SND1: variants seen among roughly 807,000 people sequenced by gnomAD.
SND1 encodes staphylococcal nuclease domain-containing protein 1.
In SND1, 38 loss-of-function variants were observed where a neutral mutation model predicts 121.7. The observed-to-expected ratio is 0.31, with a 90% CI of 0.24 to 0.41. SND1 has a LOEUF of 0.41. SND1 is among the 10% of genes least tolerant of loss of function. The pLI is 1.00. For synonymous variants in SND1, 401 were observed against 447.4 expected, an observed-to-expected ratio of 0.90 and a Z score of 1.31; for missense variants, 868 against 1,184.6, an observed-to-expected ratio of 0.73 and a Z score of 3.92.
chr7:127,653,142 G>T (rs1489366610), intron 1 of SND1, among the ~76,000 whole-genome samples: 1 of 152,216 alleles, frequency 6.6e-6, no homozygotes, highest in East Asian at 1.9e-4. Context: ...GAGCCCAAGT[G>T]TTCGGATTCC....
At chr7:128,058,269 C>G (rs1793175107) in intron 16 of SND1, among the ~76,000 whole-genome samples, 1 of 152,260 alleles carries the variant, frequency 6.6e-6, no homozygotes, top group East Asian at 1.9e-4. Context: ...GTGCTTAGCA[C>G]AATGAGATGA....
At position 127,890,617 on chromosome 7, in the gene SND1, G is replaced by A. The variant is rs117085635; in HGVS notation, c.1454+2605G>A. On this transcript the variant is annotated intron_variant, in intron 13 of 23. Transcript: ENST00000354725. Reference sequence around the variant, plus strand: ...GTGAATATGTTAATTCTGACAGGCAGGTAAGCATGGAAATAATTTGCAGGG... The same window carrying A: ...GTGAATATGTTAATTCTGACAGGCAAGTAAGCATGGAAATAATTTGCAGGG... Among the ~76,000 whole-genome samples, 7 of 152,238 alleles carry A rather than the reference G, an allele frequency of 4.6e-5. No individual in the cohort carries two copies. In the South Asian group the frequency reaches 1.2e-3, roughly 27 times the overall value.
At chr7:128,038,689 T>G (rs1562878505) in intron 16 of SND1, among the ~76,000 whole-genome samples, 1 of 88,900 alleles carries the variant, frequency 1.1e-5, no homozygotes. Context: ...CTGGGTTGGG[T>G]TTTTTTTTTT....
At position 127,706,218 on chromosome 7, in the gene SND1, A is replaced by ATTTGAT. The variant is rs1554414043; in HGVS notation, c.947+1276_947+1277insGATTTT. Among the ~76,000 whole-genome samples the ATTTGAT allele has an allele frequency of 3.8e-4, 53 of 140,176 alleles. 1 individual carries two copies. In the East Asian group the frequency reaches 0.01, roughly 27 times the overall value. 92.0% of individuals were successfully genotyped at this position (140,176 alleles called of 152,430 possible). On this transcript the variant is annotated intron_variant, in intron 8 of 23. Transcript: ENST00000354725. Reference sequence around the variant, plus strand: ...TTCATTAGTATTCTAAATTAATTTGATTTTTTTTGCATTCTTTAATTTCTT... The same window carrying ATTTGAT: ...TTCATTAGTATTCTAAATTAATTTGATTTGATTTTTTTTTGCATTCTTTAATTTCTT...
chr7:127,716,597 G>A (rs1209740496), intron 9 of SND1, among the ~76,000 whole-genome samples: 2 of 150,812 alleles, frequency 1.3e-5, no homozygotes, highest in African/African-American at 2.4e-5. Flanking sequence ...AACAGTTTTT[G>A]TGGAATTATT....
intron 18 of SND1, 76 bp from the exon 19 acceptor site, chr7:128,084,648 C>T: frequency 1.4e-6 from 2 of 1,479,136 alleles, no homozygotes; most frequent in Non-Finnish European, 1.8e-6. Flanking sequence ...CCCTCCCCAA[C>T]CACTCCCAGA....
rs529019578 is a variant in SND1 at position 128,034,149 on chromosome 7, C to T, written c.1780-40353C>T. Among the ~76,000 whole-genome samples the T allele has an allele frequency of 3.3e-5, 5 of 152,262 alleles. No individual in the cohort carries two copies. In the East Asian group the frequency reaches 9.7e-4, roughly 29 times the overall value. On this transcript the variant is annotated intron_variant, in intron 16 of 23. Coordinates refer to ENST00000354725, the MANE Select transcript of SND1 (RefSeq NM_014390.4). ...GATGTTTTCATCACTAACAGGAATG[C>T]CCGCTGTGTCTACTCTTCATAGAGT... is the stretch of plus-strand genomic sequence containing the variant.
chr7:127,793,642 G>C (rs1797956861), intron 10 of SND1, among the ~76,000 whole-genome samples: 2 of 152,128 alleles, frequency 1.3e-5, no homozygotes, highest in Non-Finnish European at 2.9e-5. Flanking sequence ...TGGCTGGAAG[G>C]ACAAGGGTAT....
chr7:127,783,868 C>A (rs1797767384), intron 10 of SND1, among the ~76,000 whole-genome samples: 1 of 152,056 alleles, frequency 6.6e-6, no homozygotes, highest in East Asian at 1.9e-4. Context: ...AATTAATGTT[C>A]CTTAAGGTGG....
At chr7:127,859,879 A>G (rs949567279) in intron 12 of SND1, among the ~76,000 whole-genome samples, 1 of 152,100 alleles carries the variant, frequency 6.6e-6, no homozygotes, top group African/African-American at 2.4e-5. Context: ...AAAACCAACA[A>G]TCTTCTCTGC....
intron 11 of SND1, among the ~76,000 whole-genome samples, chr7:127,829,968 A>G (rs868785282): frequency 5.3e-5 from 8 of 152,238 alleles, no homozygotes; most frequent in East Asian, 1.9e-4. Flanking sequence ...CATTGTGAAT[A>G]TACTAAAATC....
At chr7:127,880,246 T>C (rs1333326119) in intron 12 of SND1, among the ~76,000 whole-genome samples, 2 of 152,180 alleles carry the variant, frequency 1.3e-5, no homozygotes, top group African/African-American at 2.4e-5. Context: ...CATATTGTTA[T>C]AATTGTTCTG....
At chr7:128,059,298 A>G (rs1004213002) in intron 16 of SND1, among the ~76,000 whole-genome samples, 2 of 152,180 alleles carry the variant, frequency 1.3e-5, no homozygotes, top group Non-Finnish European at 2.9e-5. Context: ...TGTGTTTTAC[A>G]TGGCATTTTG....
intron 10 of SND1, among the ~76,000 whole-genome samples, chr7:127,764,038 C>CAAAAAAAAAAA (rs60053474): frequency 4.1e-4 from 31 of 76,376 alleles, no homozygotes; most frequent in African/African-American, 4.7e-4. Context: ...GACCCTGTCG[C>CAAAAAAAAAAA]AAAAAAAAAA....
chr7:128,067,939 GC>G (rs1793344901), intron 16 of SND1, among the ~76,000 whole-genome samples: 1 of 151,808 alleles, frequency 6.6e-6, no homozygotes, highest in Admixed American at 6.6e-5. Flanking sequence ...TAATTATTTT[GC>G]CCCCAGTGCC....
chr7:127,917,085 A>G (rs909527525), intron 14 of SND1, among the ~76,000 whole-genome samples: 3 of 152,184 alleles, frequency 2.0e-5, no homozygotes, highest in Non-Finnish European at 4.4e-5. Context: ...AGCTATCTCA[A>G]TTCTCTGCCA....
chr7:128,043,229 G>T (rs1028673257), intron 16 of SND1, among the ~76,000 whole-genome samples: 1 of 152,040 alleles, frequency 6.6e-6, no homozygotes, highest in African/African-American at 2.4e-5. Flanking sequence ...GTGATGCTGG[G>T]TTTTTTTAAT....
In SND1 at chr7:128,011,484, T is replaced by C. The variant is rs73455754; in HGVS notation, c.1779+20428T>C. On this transcript the variant is annotated intron_variant, in intron 16 of 23. Transcript: ENST00000354725. ...TTCATCCTGTCTGGCATGTCACGTT[T>C]TCCTTGGCTCTTTTATTGTGTAACA... Among the ~76,000 whole-genome samples, 683 of 152,346 alleles carry C rather than the reference T, an allele frequency of 4.5e-3. 3 individuals are homozygous for C. Among genetic ancestry groups the C allele is most frequent in the Middle Eastern group, 0.017 (5 of 294 alleles).
In SND1 at chr7:128,074,513, G is replaced by A. The variant is rs377697572; in HGVS notation, c.1791G>A (p.Glu597=). The A allele has an allele frequency of 2.0e-5, 33 of 1,612,030 alleles. No homozygotes were observed. Among genetic ancestry groups the A allele is most frequent in the Non-Finnish European group, 2.5e-5 (30 of 1,178,688 alleles). Residue 597 remains glutamate (E), a synonymous_variant, in exon 17 of 24, where the codon GAG becomes GAA. Transcript: ENST00000354725. ...TCTCTCTGTCCCAGGTGGAGGTGGA[G>A]GTGGAGAGCATGGACAAGGCCGGCA... is the stretch of plus-strand genomic sequence containing the variant. ...ELVLQREVEV[E]VESMDKAGNF... is the part of the protein sequence containing the mutation.
Sources: gnomAD v4.1 joint callset for allele counts (sites outside exome capture counted in the v4.1 genomes callset) on GRCh38, gnomAD v4.1.1 for gene constraint, MANE v1.5 for transcripts, NCBI Gene and HGNC (gene_info 2026-07-23, HGNC 2026-07-21) for gene names.